Variants in SYNE2 observed in about 807,000 individuals in gnomAD.
SYNE2 encodes the protein spectrin repeat containing nuclear envelope protein 2.
Under a neutral mutation model 856.3 loss-of-function variants are expected in SYNE2, and 431 were observed. The ratio of observed to expected loss-of-function variants is 0.50; its 90% CI spans 0.47 to 0.55. The LOEUF (loss-of-function observed/expected upper bound fraction) is 0.55. Among genes scored for constraint, SYNE2 ranks in the 20% least tolerant of loss-of-function variants. The pLI is 0.00. For synonymous variants in SYNE2, 2,923 were observed against 2,872.3 expected (o/e 1.02, Z -0.56); for missense variants, 8,129 against 8,023.2 (o/e 1.01, Z -0.50).
chr14:64,221,040 C>T (rs1267310125), intron 111 of SYNE2, among the ~76,000 whole-genome samples: 1 of 152,154 alleles, frequency 6.6e-6, no homozygotes, highest in Non-Finnish European at 1.5e-5. Flanking sequence ...GTGTTCTCAT[C>T]TGAAAATGGG....
At chr14:64,012,849 T>C (rs2096857346) in intron 32 of SYNE2, among the ~76,000 whole-genome samples, 1 of 152,274 alleles carries the variant, frequency 6.6e-6, no homozygotes, top group Admixed American at 6.5e-5. Context: ...ACATAGGTAC[T>C]ATCTTCACAA....
At chr14:64,050,001 T>C in intron 47 of SYNE2, 125 bp downstream of exon 47, 1 of 1,163,660 alleles carries the variant, frequency 8.6e-7, no homozygotes, top group South Asian at 1.5e-5. Flanking sequence ...AACCACAGGA[T>C]GGAATGTTAT....
chr14:64,039,164 T>G (rs900571094), intron 45 of SYNE2, among the ~76,000 whole-genome samples: 2 of 152,262 alleles, frequency 1.3e-5, no homozygotes, highest in Admixed American at 1.3e-4. Context: ...CTGCTTTATA[T>G]TGTAAAGCTT....
At chr14:64,176,484 A>C (rs1446129128) in intron 95 of SYNE2, among the ~76,000 whole-genome samples, 3 of 152,230 alleles carry the variant, frequency 2.0e-5, no homozygotes, top group African/African-American at 7.2e-5. Flanking sequence ...AGAAGGTGGT[A>C]GTCAGCACAG....
chr14:64,016,458 A>T lies in SYNE2; in HGVS notation c.4729-15A>T. Reference sequence around the variant, plus strand: ...TATCAAAATATCAGAAATAACTTTCATATCTTTTTTACAGATTGAAATTGT... The same window carrying T: ...TATCAAAATATCAGAAATAACTTTCTTATCTTTTTTACAGATTGAAATTGT... On this transcript the variant is annotated splice_polypyrimidine_tract_variant and intron_variant, in intron 32 of 115. Coordinates refer to ENST00000555002, the MANE Select transcript of SYNE2 (RefSeq NM_182914.3). The T allele has an allele frequency of 6.6e-7, 1 of 1,519,844 alleles. No individual in the cohort carries two copies. The highest frequency in any genetic ancestry group is 1.8e-5 in the Admixed American group (1 of 55,428). 94.1% of individuals were successfully genotyped at this position (1,519,844 alleles called of 1,614,324 possible).
intron 1 of SYNE2, among the ~76,000 whole-genome samples, chr14:63,778,974 A>C (rs1887210762): frequency 6.6e-6 from 1 of 151,990 alleles, no homozygotes; most frequent in Non-Finnish European, 1.5e-5. Context: ...AGCACATACA[A>C]TTTTATTTCA....
chr14:64,151,737 T>C (rs1394312786), intron 84 of SYNE2, among the ~76,000 whole-genome samples: 1 of 152,226 alleles, frequency 6.6e-6, no homozygotes, highest in African/African-American at 2.4e-5. Flanking sequence ...TTGGGAGACT[T>C]GAGGGGAATT....
At chr14:63,950,715 G>C (rs952838106) in intron 7 of SYNE2, among the ~76,000 whole-genome samples, 25 of 152,104 alleles carry the variant, frequency 1.6e-4, no homozygotes, top group African/African-American at 6.0e-4. Context: ...GGAGTGCAGT[G>C]GTGCGATTGT....
At position 64,209,953 on chromosome 14, in the gene SYNE2, G is replaced by T. The variant is rs765391277; in HGVS notation, c.18552G>T (p.Arg6184=). The change falls in exon 103 of 116, where the codon CGG becomes CGT. Residue 6184 remains arginine (R), a synonymous_variant. Transcript: ENST00000555002. ...EELKRFEAFQ[R]QIHERLTQLE... ...CCCATGTGATGCAGGCCTTTCAGCG[G>T]CAGATTCATGAGCGGCTCACTCAGC... 1 of 1,614,128 alleles carries T rather than the reference G, an allele frequency of 6.2e-7. No individual in the cohort carries two copies.
At chr14:64,028,201 CTGT>C (rs1349704086) in intron 43 of SYNE2, among the ~76,000 whole-genome samples, 12 of 152,026 alleles carry the variant, frequency 7.9e-5, no homozygotes, top group East Asian at 3.9e-4. Context: ...CACACCTGGC[CTGT>C]TGTTGTTCTT....
At chr14:63,904,238 C>CT (rs2095377764) in intron 1 of SYNE2, among the ~76,000 whole-genome samples, 2 of 152,122 alleles carry the variant, frequency 1.3e-5, no homozygotes, top group Non-Finnish European at 2.9e-5. Flanking sequence ...GGAACCCAGG[C>CT]TGAATCCATG....
chr14:64,178,510 T>C (rs2098444378), intron 96 of SYNE2, among the ~76,000 whole-genome samples: 1 of 152,164 alleles, frequency 6.6e-6, no homozygotes, highest in Non-Finnish European at 1.5e-5. Context: ...CAGGCTAGAG[T>C]GCAGTGGCAC....
In SYNE2 at chr14:64,098,096, G is replaced by A; in HGVS notation, c.12256G>A (p.Val4086Ile). The change falls in exon 62 of 116, where the codon GTA becomes ATA. Residue 4086 changes from valine to isoleucine, a missense_variant. Coordinates refer to ENST00000555002, the MANE Select transcript of SYNE2 (RefSeq NM_182914.3). ...EGVERDRLPA[V>I]TSEEGGVAER... ...AGTAGAAAGAGATAGGCTGCCAGCT[G>A]TAACATCAGAGGAAGGTGGAGTGGC... The A allele has an allele frequency of 1.2e-6, 2 of 1,614,176 alleles. No homozygotes were observed. The highest frequency in any genetic ancestry group is 1.7e-6 in the Non-Finnish European group (2 of 1,180,024).
At chr14:63,801,412 C>T (rs1888122084) in intron 1 of SYNE2, among the ~76,000 whole-genome samples, 2 of 152,214 alleles carry the variant, frequency 1.3e-5, no homozygotes, top group Non-Finnish European at 2.9e-5. Context: ...TGGCTCACGC[C>T]TGTAATCCCA....
intron 2 of SYNE2, among the ~76,000 whole-genome samples, chr14:63,917,370 C>G (rs1196531522): frequency 6.6e-6 from 1 of 152,198 alleles, no homozygotes; most frequent in Non-Finnish European, 1.5e-5. Flanking sequence ...TATAACAATA[C>G]AAAAGCTTCT....
chr14:64,215,437 C>G, intron 107 of SYNE2, 83 bp downstream of exon 107: 1 of 1,341,816 alleles, frequency 7.5e-7, no homozygotes, highest in Admixed American at 1.7e-5. Context: ...CATGTCGTGT[C>G]TACCTCTGCC....
chr14:64,208,185 G>A (rs746047103), intron 100 of SYNE2: 3 of 455,958 alleles, frequency 6.6e-6, no homozygotes, highest in South Asian at 1.5e-5. Context: ...ATCAGTTGGG[G>A]AGGCAAGGTC....
At chr14:64,129,010 A>G (rs938758422) in intron 74 of SYNE2, among the ~76,000 whole-genome samples, 8 of 152,262 alleles carry the variant, frequency 5.3e-5, no homozygotes, top group Admixed American at 2.0e-4. Flanking sequence ...AGACAAGTGC[A>G]TAAAGATAAA....
At chr14:64,184,329 GGT>G (rs767980383) in intron 96 of SYNE2, among the ~76,000 whole-genome samples, 7,651 of 143,932 alleles carry the variant, frequency 0.053, 192 homozygotes, top group Non-Finnish European at 0.06. Flanking sequence ...TATGCATAGG[GGT>G]GTGTGTGTGT....
Sources: allele counts gnomAD v4.1 joint callset (sites outside exome capture counted in the v4.1 genomes callset), GRCh38; gene constraint gnomAD v4.1.1; transcripts MANE v1.5; gene names NCBI Gene and HGNC (gene_info 2026-07-23, HGNC 2026-07-21).